ZGPAT: variants seen among roughly 807,000 people sequenced by gnomAD.
ZGPAT encodes the protein zinc finger CCCH-type and G-patch domain containing.
ZGPAT carries 39 observed loss-of-function variants against 47.9 expected under a neutral mutation model. The ratio of observed to expected loss-of-function variants is 0.81; its 90% CI spans 0.63 to 1.06. ZGPAT has a LOEUF of 1.06. ZGPAT is among the 50% of genes least tolerant of loss of function. The pLI is 0.00. For synonymous variants in ZGPAT, 348 were observed against 292.9 expected (o/e 1.19, Z -1.92); for missense variants, 717 against 681.4 (o/e 1.05, Z -0.58).
At position 63,735,301 on chromosome 20, in the gene ZGPAT, C is replaced by T; in HGVS notation, c.1134C>T (p.Cys378=). 6.2e-7 allele frequency: 1 copy of T among 1,600,414 alleles called. No individual in the cohort carries two copies. The highest frequency in any genetic ancestry group is 8.5e-7 in the Non-Finnish European group (1 of 1,173,630). Residue 378 remains cysteine (C), a synonymous_variant, in exon 6 of 7, where the codon TGC becomes TGT. Coordinates refer to ENST00000355969, the MANE Select transcript of ZGPAT (RefSeq NM_181485.3). ...GKAGTNKPPR[C]RGRGARPGGR... ...CTGGCACCAACAAGCCCCCCAGGTG[C>T]CGGGGAAGAGGGGCCAGGCCTGGGG...
chr20:63,721,743 C>T (rs1250977184), intron 2 of ZGPAT, among the ~76,000 whole-genome samples: 4 of 152,082 alleles, frequency 2.6e-5, no homozygotes, highest in African/African-American at 7.2e-5. Flanking sequence ...AGGCCAGGCG[C>T]GGTGGCTCAT....
intron 2 of ZGPAT, among the ~76,000 whole-genome samples, chr20:63,732,322 TGTGTGTGCAC>T (rs1187133896): frequency 1.9e-4 from 11 of 58,282 alleles, no homozygotes; most frequent in Admixed American, 1.9e-4. Context: ...TGAGGGGGCA[TGTGTGTGCAC>T]GTGTGTGGGT....
At chr20:63,708,477 G>A in intron 1 of ZGPAT, 76 bp from the exon 2 acceptor site, 1 of 903,246 alleles carries the variant, frequency 1.1e-6, no homozygotes, top group Non-Finnish European at 1.6e-6. Flanking sequence ...AAGGGGACGT[G>A]CCCGTGCCCG....
At chr20:63,734,666 A>G (rs1568802992) in intron 4 of ZGPAT, 39 bp from the exon 5 acceptor site, 1 of 1,608,936 alleles carries the variant, frequency 6.2e-7, no homozygotes, top group East Asian at 2.2e-5. Context: ...GACGCCGTGG[A>G]CTCTGCACAG....
At chr20:63,727,776 T>C (rs951892399) in intron 2 of ZGPAT, among the ~76,000 whole-genome samples, 1 of 152,108 alleles carries the variant, frequency 6.6e-6, no homozygotes, top group African/African-American at 2.4e-5. Flanking sequence ...AAGTCTTTGC[T>C]AAACTCAACA....
chr20:63,729,798 A>G (rs1037143773), intron 2 of ZGPAT, among the ~76,000 whole-genome samples: 130 of 152,228 alleles, frequency 8.5e-4, no homozygotes, highest in African/African-American at 3.1e-3. Flanking sequence ...AGGCGGAAGG[A>G]TTACATGAGC....
At chr20:63,720,640 C>T (rs116897653) in intron 2 of ZGPAT, among the ~76,000 whole-genome samples, 2 of 151,884 alleles carry the variant, frequency 1.3e-5, no homozygotes, top group South Asian at 2.1e-4. Context: ...CTGTTTTAGA[C>T]ACAGGGTCTT....
chr20:63,712,725 G>T (rs550710163), intron 2 of ZGPAT, among the ~76,000 whole-genome samples: 2 of 152,060 alleles, frequency 1.3e-5, no homozygotes, highest in African/African-American at 4.8e-5. Flanking sequence ...GTGAAACCCC[G>T]TCTCTACTAA....
chr20:63,714,378 A>T (rs555214936), intron 2 of ZGPAT, among the ~76,000 whole-genome samples: 2 of 150,560 alleles, frequency 1.3e-5, no homozygotes, highest in Admixed American at 1.3e-4. Flanking sequence ...GTGAGCCAAG[A>T]TCATGCCACT....
At chr20:63,714,557 T>A (rs1343160672) in intron 2 of ZGPAT, among the ~76,000 whole-genome samples, 3 of 152,184 alleles carry the variant, frequency 2.0e-5, no homozygotes, top group Non-Finnish European at 4.4e-5. Flanking sequence ...ATGATGTTAC[T>A]TGTAGGTTTT....
At chr20:63,725,018 CTT>C (rs1004287386) in intron 2 of ZGPAT, among the ~76,000 whole-genome samples, 1 of 135,896 alleles carries the variant, frequency 7.4e-6, no homozygotes, top group Non-Finnish European at 1.6e-5. Context: ...GGGTCTCGCT[CTT>C]GTTTCCCAGG....
At chr20:63,714,687 G>C (rs1457909974) in intron 2 of ZGPAT, among the ~76,000 whole-genome samples, 1 of 151,884 alleles carries the variant, frequency 6.6e-6, no homozygotes, top group Non-Finnish European at 1.5e-5. Flanking sequence ...CTGTCACCCA[G>C]GCTGGAGGGC....
chr20:63,719,334 T>C (rs1336036454), intron 2 of ZGPAT, among the ~76,000 whole-genome samples: 1 of 152,232 alleles, frequency 6.6e-6, no homozygotes, highest in East Asian at 1.9e-4. Context: ...CAGCTACTAT[T>C]CTTTGCATCT....
At chr20:63,708,005 C>G (rs2091582794), upstream of ZGPAT, 1 of 152,102 alleles carries the variant, frequency 6.6e-6, no homozygotes, top group South Asian at 2.1e-4. Context: ...GCGGCCTCCG[C>G]GCTCCGCTTC....
At chr20:63,718,983 G>A (rs1381168530) in intron 2 of ZGPAT, among the ~76,000 whole-genome samples, 3 of 151,718 alleles carry the variant, frequency 2.0e-5, no homozygotes, top group Admixed American at 1.3e-4. Context: ...GGAGAATGGC[G>A]TGAACCCGGG....
chr20:63,728,196 C>T lies in ZGPAT; in HGVS notation c.585-5023C>T, dbSNP rs964039193. 9.2e-5 allele frequency among the ~76,000 whole-genome samples: 14 copies of T among 151,998 alleles called. No homozygotes were observed. The East Asian group carries it at 2.7e-3, about 29-fold the overall frequency. ...GGATTACAGATGTGTGCCACCATGCCTGGCTAATTTTTTGTTTTTTTAGTG... is the reference window on the plus strand; with the variant it reads ...GGATTACAGATGTGTGCCACCATGCTTGGCTAATTTTTTGTTTTTTTAGTG... On this transcript the variant is annotated intron_variant, in intron 2 of 6. Coordinates refer to ENST00000355969, the MANE Select transcript of ZGPAT (RefSeq NM_181485.3).
chr20:63,731,658 CTGTG>C (rs200500615), intron 2 of ZGPAT, among the ~76,000 whole-genome samples: 1 of 135,290 alleles, frequency 7.4e-6, no homozygotes, highest in Non-Finnish European at 1.6e-5. Context: ...ACAGTTGGCC[CTGTG>C]TGTGATTGTG....
chr20:63,724,831 C>A (rs1194086661), intron 2 of ZGPAT, among the ~76,000 whole-genome samples: 1 of 151,112 alleles, frequency 6.6e-6, no homozygotes, highest in Non-Finnish European at 1.5e-5. Flanking sequence ...CTGCCACCAC[C>A]CCCAGCCAAT....
chr20:63,733,755 C>T lies in ZGPAT; in HGVS notation c.871+16C>T, dbSNP rs1023959743. 36 of 1,598,166 alleles carry T rather than the reference C, an allele frequency of 2.3e-5. No individual in the cohort carries two copies. Among genetic ancestry groups the T allele is most frequent in the Middle Eastern group, 1.7e-4 (1 of 5,988 alleles). On this transcript the variant is annotated intron_variant, in intron 4 of 6. Coordinates refer to ENST00000355969, the MANE Select transcript of ZGPAT (RefSeq NM_181485.3). ...TATGCCAGAGGTATGGCAGCAGCTG[C>T]GGAGCCCAGGAGCCAGGAAGGTGGG...
Sources: allele counts gnomAD v4.1 joint callset (sites outside exome capture counted in the v4.1 genomes callset), GRCh38; gene constraint gnomAD v4.1.1; transcripts MANE v1.5; gene names NCBI Gene and HGNC (gene_info 2026-07-23, HGNC 2026-07-21).